The following FLRT1 variants were observed in gnomAD, a reference collection of about 807,000 sequenced individuals.
The protein encoded by FLRT1 is fibronectin leucine rich transmembrane protein 1.
FLRT1 carries 14 observed loss-of-function variants against 30.9 expected under a neutral mutation model. The ratio of observed to expected loss-of-function variants is 0.45; its 90% CI spans 0.30 to 0.71. The LOEUF is 0.71. Ranked by LOEUF, FLRT1 falls within the 30% of genes least tolerant of loss-of-function variation. The probability of loss-of-function intolerance (pLI) is 0.08; values close to 1 mark genes in which losing one functional copy is unlikely to be tolerated. For missense variants in FLRT1, 737 were observed against 949.2 expected, an observed-to-expected ratio of 0.78 and a Z score of 2.94; for synonymous variants, 368 against 430.4, an observed-to-expected ratio of 0.85 and a Z score of 1.80.
In FLRT1 at chr11:64,117,398, G is replaced by C. The variant is rs777020401; in HGVS notation, c.1131G>C (p.Glu377Asp). 6.2e-7 allele frequency: 1 copy of C among 1,612,274 alleles called. No homozygotes were observed. The highest frequency in any genetic ancestry group is 1.1e-5 in the South Asian group (1 of 91,028). ...AGGACATTACCAGCGAGATGGACGA[G>C]TGTTTTGAGACGGGGCCGCAGGGCG... Reference protein sequence around the residue: ...AIKDITSEMDECFETGPQGGV... With the variant: ...AIKDITSEMDDCFETGPQGGV... The change falls in exon 3 of 3, where the codon GAG (glutamate) becomes GAC (aspartate). Residue 377 changes from glutamate (E) to aspartate (D), a missense_variant. Coordinates refer to ENST00000682287, the MANE Select transcript of FLRT1 (RefSeq NM_013280.5).
At chr11:64,108,335 G>C (rs1227995765) in intron 2 of FLRT1, among the ~76,000 whole-genome samples, 2 of 150,880 alleles carry the variant, frequency 1.3e-5, no homozygotes, top group Admixed American at 6.6e-5. Flanking sequence ...AAAAAGACTT[G>C]AGACCCAGGG....
At chr11:64,097,683 C>A (rs1423833402) in intron 1 of FLRT1, among the ~76,000 whole-genome samples, 1 of 152,252 alleles carries the variant, frequency 6.6e-6, no homozygotes, top group Middle Eastern at 3.2e-3. Context: ...CTCGCCTCCG[C>A]CTCTTCTCAC....
intron 1 of FLRT1, among the ~76,000 whole-genome samples, chr11:64,074,636 G>A (rs1944169354): frequency 6.6e-6 from 1 of 152,224 alleles, no homozygotes; most frequent in Non-Finnish European, 1.5e-5. Flanking sequence ...CCCCAAGGGG[G>A]GCTGTGCCCT....
At chr11:64,092,276 C>A (rs1944504156) in intron 1 of FLRT1, among the ~76,000 whole-genome samples, 1 of 152,224 alleles carries the variant, frequency 6.6e-6, no homozygotes, top group Non-Finnish European at 1.5e-5. Flanking sequence ...CGGATGGTTT[C>A]ATATGGGGAG....
intron 1 of FLRT1, among the ~76,000 whole-genome samples, chr11:64,098,694 G>A (rs1204053668): frequency 6.6e-6 from 1 of 152,182 alleles, no homozygotes; most frequent in Admixed American, 6.5e-5. Context: ...CAAAATGAAA[G>A]AAAATCCTGG....
chr11:64,074,579 CGCAG>C (rs1192666304), intron 1 of FLRT1, among the ~76,000 whole-genome samples: 1 of 152,196 alleles, frequency 6.6e-6, no homozygotes, highest in Non-Finnish European at 1.5e-5. Context: ...TCCATGTCCC[CGCAG>C]GCCCTCCGTG....
intron 2 of FLRT1, among the ~76,000 whole-genome samples, chr11:64,114,540 GATTGATGC>G (rs1944938204): frequency 8.7e-6 from 1 of 114,426 alleles, no homozygotes; most frequent in Non-Finnish European, 2.2e-5. Context: ...TGGATGTATG[GATTGATGC>G]ATGGATGGAT....
Position 64,096,418 on chromosome 11 carries a change from CTT to C in FLRT1, c.-1037-6765_-1037-6764del, listed in dbSNP as rs374032073. Among the ~76,000 whole-genome samples the C allele has an allele frequency of 2.1e-5, 3 of 145,638 alleles. No homozygotes were observed. The highest frequency in any genetic ancestry group is 1.5e-5 in the Non-Finnish European group (1 of 65,762). Reference sequence around the variant, plus strand: ...AGGCAAGTGGTCGTTCCTGTCCCCTCTTTTTTTTTTTTGAGACTGAGTCTCGC... The same window carrying C: ...AGGCAAGTGGTCGTTCCTGTCCCCTCTTTTTTTTTTGAGACTGAGTCTCGC... On this transcript the variant is annotated intron_variant, in intron 1 of 2. Transcript: ENST00000682287. The surrounding 1 kb of genome is among the most constrained non-coding windows in gnomAD (Gnocchi z 4.6).
intron 1 of FLRT1, among the ~76,000 whole-genome samples, chr11:64,049,477 G>A (rs1028052537): frequency 1.3e-5 from 2 of 152,194 alleles, no homozygotes; most frequent in Non-Finnish European, 2.9e-5. Context: ...CAACCTTATG[G>A]GGGAGGTATG....
At chr11:64,077,725 G>T (rs1198326628) in intron 1 of FLRT1, among the ~76,000 whole-genome samples, 1 of 152,194 alleles carries the variant, frequency 6.6e-6, no homozygotes, top group African/African-American at 2.4e-5. Flanking sequence ...GTCTCAGGGG[G>T]TCACTACCCC....
chr11:64,083,902 C>T (rs768713306), intron 1 of FLRT1, among the ~76,000 whole-genome samples: 14 of 152,190 alleles, frequency 9.2e-5, no homozygotes, highest in Non-Finnish European at 1.8e-4. Context: ...TGCAGGCGGG[C>T]GTGCGGCCGG....
chr11:64,083,898 C>T (rs370113341), intron 1 of FLRT1, among the ~76,000 whole-genome samples: 19 of 152,316 alleles, frequency 1.2e-4, no homozygotes, highest in African/African-American at 3.8e-4. Context: ...AGCGTGCAGG[C>T]GGGCGTGCGG....
intron 1 of FLRT1, among the ~76,000 whole-genome samples, chr11:64,041,220 A>T (rs974227381): frequency 3.4e-5 from 5 of 149,098 alleles, no homozygotes; most frequent in Admixed American, 6.6e-5. Flanking sequence ...AAAAAAAAAA[A>T]AAAAAAAAAG....
chr11:64,105,516 C>G (rs552152037), intron 2 of FLRT1, among the ~76,000 whole-genome samples: 3 of 152,218 alleles, frequency 2.0e-5, no homozygotes, highest in Non-Finnish European at 4.4e-5. Flanking sequence ...AGCCTGTCCC[C>G]TCCACACAGG....
At chr11:64,080,484 T>TA (rs36100348) in intron 1 of FLRT1, among the ~76,000 whole-genome samples, 1 of 152,070 alleles carries the variant, frequency 6.6e-6, no homozygotes, top group Admixed American at 6.5e-5. Context: ...TTTCATCCCC[T>TA]AAAAAGAAGC....
chr11:64,080,911 T>C (rs1043671543), intron 1 of FLRT1, among the ~76,000 whole-genome samples: 1 of 152,194 alleles, frequency 6.6e-6, no homozygotes, highest in Non-Finnish European at 1.5e-5. Flanking sequence ...AGGCAGACCT[T>C]GAGAGAATCC....
intron 1 of FLRT1, chr11:64,060,532 G>A (rs1943879325): frequency 1.3e-5 from 2 of 152,238 alleles, no homozygotes; most frequent in African/African-American, 2.4e-5. Context: ...TGTGTGCTGT[G>A]AGGGGTACCC....
intron 2 of FLRT1, among the ~76,000 whole-genome samples, chr11:64,105,182 C>T (rs1944737921): frequency 6.6e-6 from 1 of 152,228 alleles, no homozygotes; most frequent in Non-Finnish European, 1.5e-5. Context: ...GCCAGCCCGA[C>T]AGCGGGGCCG....
At chr11:64,037,210 A>G (rs1471423301) in intron 1 of FLRT1, among the ~76,000 whole-genome samples, 3 of 152,136 alleles carry the variant, frequency 2.0e-5, no homozygotes, top group Non-Finnish European at 4.4e-5. Flanking sequence ...TTGGATGGAA[A>G]CCAGCCCCTC....
Sources: gnomAD v4.1 joint callset for allele counts (sites outside exome capture counted in the v4.1 genomes callset) on GRCh38, gnomAD v4.1.1 for gene constraint, Gnocchi (gnomAD v3.1) non-coding constraint, MANE v1.5 for transcripts, NCBI Gene and HGNC (gene_info 2026-07-23, HGNC 2026-07-21) for gene names.